Variants in PBLD observed in about 807,000 individuals in gnomAD.
PBLD encodes phenazine biosynthesis like protein domain containing.
In PBLD, 26 loss-of-function variants were observed where a neutral mutation model predicts 31.3. The ratio of observed to expected loss-of-function variants is 0.83; its 90% CI spans 0.61 to 1.15. The LOEUF is 1.15. Ranked by LOEUF, PBLD falls within the 50% of genes most tolerant of loss-of-function variation. PBLD has a pLI of 0.00. For synonymous variants in PBLD, 114 were observed against 129.0 expected, an observed-to-expected ratio of 0.88 and a Z score of 0.79; for missense variants, 307 against 351.7, an observed-to-expected ratio of 0.87 and a Z score of 1.02.
chr10:68,292,933 T>C (rs2044378610), intron 4 of PBLD, among the ~76,000 whole-genome samples: 1 of 152,176 alleles, frequency 6.6e-6, no homozygotes, highest in Admixed American at 6.5e-5. Flanking sequence ...GGGGACTGGC[T>C]CACTGCAGCC....
chr10:68,327,977 C>T (rs190337328), intron 1 of PBLD, among the ~76,000 whole-genome samples: 2 of 152,252 alleles, frequency 1.3e-5, no homozygotes, highest in East Asian at 3.9e-4. Flanking sequence ...TAAGATTGAA[C>T]AGGCCTTTTG....
intron 2 of PBLD, 21 bp from the exon 3 acceptor site, chr10:68,297,006 C>T: frequency 6.4e-7 from 1 of 1,573,264 alleles, no homozygotes; most frequent in Non-Finnish European, 8.7e-7. Context: ...AACAGACGAT[C>T]ATTGAGGTTT....
chr10:68,302,663 C>G (rs2044519462), intron 2 of PBLD, among the ~76,000 whole-genome samples: 1 of 151,984 alleles, frequency 6.6e-6, no homozygotes, highest in Admixed American at 6.6e-5. Context: ...GGCAACATAG[C>G]AAGACCCTGT....
At chr10:68,320,710 G>A (rs1051071765) in intron 1 of PBLD, among the ~76,000 whole-genome samples, 1 of 150,642 alleles carries the variant, frequency 6.6e-6, no homozygotes, top group African/African-American at 2.4e-5. Context: ...TGGAGATGGG[G>A]TTTCACTATG....
At position 68,319,833 on chromosome 10, in the gene PBLD, T is replaced by TA. The variant is rs571661901; in HGVS notation, c.-59-12931_-59-12930insT. 2.0e-3 allele frequency among the ~76,000 whole-genome samples: 308 copies of TA among 151,456 alleles called. 4 individuals are homozygous for TA. Among genetic ancestry groups the TA allele is most frequent in the Middle Eastern group, 0.014 (4 of 292 alleles). On this transcript the variant is annotated intron_variant, in intron 1 of 9. Coordinates refer to ENST00000358769, the MANE Select transcript of PBLD (RefSeq NM_022129.4). ...ATTTATTTATTTTTATTTATTTATT[T>TA]TTTTTTTGAGATGGAGTTTCGCTCT...
chr10:68,306,825 A>G lies in PBLD; in HGVS notation c.20T>C (p.Ile7Thr), dbSNP rs372898289. The change falls in exon 2 of 10, where the codon ATA becomes ACA. Residue 7 changes from isoleucine (I) to threonine (T), a missense_variant. Transcript: ENST00000358769. ...TGCTCTTGCTGTGAATGCATCTGCT[A>G]TGAAAATAGGAAGCTTCATTTTCCT... is the stretch of plus-strand genomic sequence containing the variant. MKLPIF[I>T]ADAFTARAFR... is the part of the protein sequence containing the mutation. 2.0e-5 allele frequency: 33 copies of G among 1,609,998 alleles called. No individual in the cohort carries two copies. The highest frequency in any genetic ancestry group is 2.5e-5 in the Non-Finnish European group (29 of 1,177,074).
At chr10:68,326,327 A>G (rs2044919936) in intron 1 of PBLD, among the ~76,000 whole-genome samples, 1 of 152,208 alleles carries the variant, frequency 6.6e-6, no homozygotes, top group Non-Finnish European at 1.5e-5. Context: ...GGCATGAGCC[A>G]CTGTGCCAAG....
intron 8 of PBLD, chr10:68,287,189 GT>G (rs1332058949): frequency 6.6e-6 from 1 of 151,828 alleles, no homozygotes; most frequent in Non-Finnish European, 1.5e-5. Flanking sequence ...GACTGTTCTG[GT>G]TTTAGCACTG....
At chr10:68,285,253 A>G (rs182697535) in intron 9 of PBLD, 95 bp downstream of exon 9, 6 of 1,602,060 alleles carry the variant, frequency 3.7e-6, no homozygotes, top group East Asian at 2.2e-5. Context: ...GATACATGAC[A>G]TTGTATTACA....
At chr10:68,323,123 A>G (rs2044860954) in intron 1 of PBLD, among the ~76,000 whole-genome samples, 1 of 152,118 alleles carries the variant, frequency 6.6e-6, no homozygotes, top group South Asian at 2.1e-4. Flanking sequence ...CTATAAATCT[A>G]CAACTATTCA....
At chr10:68,297,113 T>C in intron 2 of PBLD, 128 bp from the exon 3 acceptor site, 1 of 743,466 alleles carries the variant, frequency 1.3e-6, no homozygotes, top group Non-Finnish European at 2.2e-6. Context: ...AGGAAATAAT[T>C]ACCAAGGAAT....
chr10:68,285,148 T>A (rs2044270364), intron 9 of PBLD, 200 bp downstream of exon 9: 2 of 1,433,048 alleles, frequency 1.4e-6, no homozygotes, highest in Admixed American at 2.8e-5. Context: ...GTCTGTACAG[T>A]CTCTGTATGT....
intron 1 of PBLD, among the ~76,000 whole-genome samples, chr10:68,310,305 T>C (rs1281069311): frequency 6.7e-6 from 1 of 148,764 alleles, no homozygotes; most frequent in Non-Finnish European, 1.5e-5. Flanking sequence ...TTACTTTGTT[T>C]ATGTTTCTTT....
At chr10:68,298,654 G>T (rs1248757664) in intron 2 of PBLD, among the ~76,000 whole-genome samples, 1 of 152,060 alleles carries the variant, frequency 6.6e-6, no homozygotes, top group Non-Finnish European at 1.5e-5. Context: ...GTGTAAAAGT[G>T]GGCAAGTCAT....
At chr10:68,322,380 G>A (rs970925278) in intron 1 of PBLD, among the ~76,000 whole-genome samples, 3 of 152,038 alleles carry the variant, frequency 2.0e-5, no homozygotes, top group Non-Finnish European at 2.9e-5. Flanking sequence ...ATGGACCAGA[G>A]CTAGGCACGG....
intron 2 of PBLD, among the ~76,000 whole-genome samples, chr10:68,302,998 T>C (rs1439504769): frequency 6.6e-6 from 1 of 152,176 alleles, no homozygotes; most frequent in African/African-American, 2.4e-5. Context: ...ACATTTTCCA[T>C]GTTTCTACAA....
rs372009307 is a variant in PBLD, at chr10:68,306,795, C to A, written c.50G>T (p.Arg17Leu). The change falls in exon 2 of 10, where the codon CGT (arginine) becomes CTT (leucine). Residue 17 changes from arginine to leucine, a missense_variant. Physicochemically the swap from Arg to Leu is moderately radical, Grantham distance 102. Transcript: ENST00000358769. ...GAGGCAAACAGCAGCAGGATTCCCA[C>A]GAAATGCTCTTGCTGTGAATGCATC... is the stretch of plus-strand genomic sequence containing the variant. The part of the protein sequence containing the change: ...IADAFTARAF[R>L]GNPAAVCLLE... The A allele has an allele frequency of 6.2e-7, 1 of 1,611,882 alleles. No homozygotes were observed. Among genetic ancestry groups the A allele is most frequent in the Non-Finnish European group, 8.5e-7 (1 of 1,178,572 alleles).
chr10:68,297,241 C>T (rs2044442259), intron 2 of PBLD: 4 of 482,372 alleles, frequency 8.3e-6, no homozygotes, highest in Non-Finnish European at 1.5e-5. Context: ...CCTGGCCTGT[C>T]TTTTGTCACA....
chr10:68,325,771 C>T lies in PBLD; in HGVS notation c.-60+7013G>A, dbSNP rs1216421852. On this transcript the variant is annotated intron_variant, in intron 1 of 9. Transcript: ENST00000358769. Reference sequence around the variant, plus strand: ...CTTACTGCGTCCTCAACTGTAAATGCTTTTCCTATTTTTCATTGCCCCACT... The same window carrying T: ...CTTACTGCGTCCTCAACTGTAAATGTTTTTCCTATTTTTCATTGCCCCACT... Among the ~76,000 whole-genome samples the T allele has an allele frequency of 2.0e-5, 3 of 152,126 alleles. No individual in the cohort carries two copies. In the East Asian group the frequency reaches 5.8e-4, roughly 29 times the overall value.
Sources: allele counts gnomAD v4.1 joint callset (sites outside exome capture counted in the v4.1 genomes callset), GRCh38; gene constraint gnomAD v4.1.1; transcripts MANE v1.5; gene names NCBI Gene and HGNC (gene_info 2026-07-23, HGNC 2026-07-21).